Variants in MAST3 observed in about 807,000 individuals in gnomAD.
MAST3 encodes microtubule-associated serine/threonine-protein kinase 3.
Under a neutral mutation model 127.0 loss-of-function variants are expected in MAST3, and 43 were observed. That is an observed-to-expected ratio of 0.34 (90% CI 0.27 to 0.44). The LOEUF is 0.44. MAST3 is among the 20% of genes least tolerant of loss of function. The pLI, the probability that MAST3 is intolerant of heterozygous loss-of-function variation, is 1.00. For missense variants in MAST3, 1,390 were observed against 1,919.1 expected (o/e 0.72, Z 5.15); for synonymous variants, 785 against 809.2 (o/e 0.97, Z 0.51).
intron 19 of MAST3, 73 bp from the exon 20 acceptor site, chr19:18,138,942 C>T (rs2042161108): frequency 9.9e-7 from 1 of 1,010,024 alleles, no homozygotes; most frequent in Non-Finnish European, 1.5e-6. Context: ...AGATGCCCTC[C>T]CCGTATTGCC....
intron 20 of MAST3, among the ~76,000 whole-genome samples, chr19:18,139,811 A>AT (rs113923986): frequency 2.4e-4 from 5 of 20,486 alleles, no homozygotes; most frequent in Admixed American, 4.7e-4. Flanking sequence ...TGTTTTAGCC[A>AT]TTTTTTTTTT....
intron 3 of MAST3, among the ~76,000 whole-genome samples, chr19:18,113,709 G>T (rs763204445): frequency 6.6e-6 from 1 of 152,086 alleles, no homozygotes; most frequent in African/African-American, 2.4e-5. Context: ...TGATCCACCC[G>T]CCATGGCCTC....
In MAST3 at chr19:18,099,188, A is replaced by C. The variant is rs1004046003; in HGVS notation, c.39+1357A>C. 6.4e-4 allele frequency among the ~76,000 whole-genome samples: 97 copies of C among 151,556 alleles called. 1 individual carries two copies. The highest frequency in any genetic ancestry group is 2.1e-3 in the Admixed American group (32 of 15,228). ...GTAGCTGCGGGACTGCGAACTCAGC[A>C]GGTGATGGGAAGCCAGGTCGGGAGT... On this transcript the variant is annotated intron_variant, in intron 1 of 27. Transcript: ENST00000687212.
intron 15 of MAST3, among the ~76,000 whole-genome samples, chr19:18,134,237 TACAC>T (rs1426432030): frequency 6.6e-6 from 1 of 151,628 alleles, no homozygotes. Flanking sequence ...TATATATATA[TACAC>T]ACACACACAT....
At chr19:18,128,992 C>G (rs747167708) in intron 13 of MAST3, 41 bp downstream of exon 13, 2 of 1,561,774 alleles carry the variant, frequency 1.3e-6, no homozygotes, top group Non-Finnish European at 1.8e-6. Context: ...TCACAGATGC[C>G]TGAGGGGATG....
At position 18,147,427 on chromosome 19, in the gene MAST3, G is replaced by A. The variant is rs771587459; in HGVS notation, c.3327-16G>A. On this transcript the variant is annotated splice_polypyrimidine_tract_variant and intron_variant, in intron 26 of 27. Coordinates refer to ENST00000687212, the MANE Select transcript of MAST3 (RefSeq NM_001393504.1). ...CAGGAGCAGGGGTTCTGAAGCCTCC[G>A]GTTTTCTTACCCCAGGCGGAAGTCA... 8.7e-6 allele frequency: 14 copies of A among 1,612,484 alleles called. No individual in the cohort carries two copies. The highest frequency in any genetic ancestry group is 6.7e-5 in the African/African-American group (5 of 74,904).
intron 15 of MAST3, 76 bp downstream of exon 15, chr19:18,132,123 C>G: frequency 1.9e-6 from 3 of 1,572,548 alleles, no homozygotes; most frequent in Non-Finnish European, 2.6e-6. Context: ...CAAAGAGGAT[C>G]AGGGCAGAGC....
intron 19 of MAST3, among the ~76,000 whole-genome samples, chr19:18,138,570 T>C (rs2042123672): frequency 6.6e-6 from 1 of 152,152 alleles, no homozygotes; most frequent in Non-Finnish European, 1.5e-5. Flanking sequence ...CGATTTCGAC[T>C]CACCACAACC....
chr19:18,133,035 G>A (rs2041494117), intron 15 of MAST3, among the ~76,000 whole-genome samples: 1 of 151,816 alleles, frequency 6.6e-6, no homozygotes, highest in South Asian at 2.1e-4. Context: ...CCCGGCGGAG[G>A]TTGCAATGAG....
Position 18,147,321 on chromosome 19 carries a change from T to C in MAST3, c.3327-122T>C, listed in dbSNP as rs536463007. 5.6e-6 allele frequency: 5 copies of C among 890,112 alleles called. No individual in the cohort carries two copies. In the African/African-American group the frequency reaches 6.7e-5, roughly 12 times the overall value. 55.1% of individuals were successfully genotyped at this position (890,112 alleles called of 1,614,324 possible). A position where few individuals can be genotyped will look rare whatever the true frequency, so the allele number is the denominator to read the frequency against. On this transcript the variant is annotated intron_variant, in intron 26 of 27. Transcript: ENST00000687212. ...TTTCGCCATGTTGGCCAGGCTGGTC[T>C]CGAACTCCTGACCTTAAATGATCCA...
At chr19:18,101,469 C>T (rs550807012) in intron 1 of MAST3, among the ~76,000 whole-genome samples, 2 of 151,944 alleles carry the variant, frequency 1.3e-5, no homozygotes, top group East Asian at 1.9e-4. Flanking sequence ...AACTTCCAAC[C>T]GGGCTTGGTG....
intron 18 of MAST3, among the ~76,000 whole-genome samples, chr19:18,136,832 T>TGC (rs200523592): frequency 6.6e-6 from 1 of 151,866 alleles, no homozygotes; most frequent in African/African-American, 2.4e-5. Flanking sequence ...TTGTTGTTGT[T>TGC]TTTTGAGACA....
intron 5 of MAST3, 56 bp from the exon 6 acceptor site, chr19:18,122,617 C>T (rs2040132698): frequency 6.8e-7 from 1 of 1,469,262 alleles, no homozygotes; most frequent in South Asian, 1.2e-5. Flanking sequence ...GTTCTTAGTC[C>T]CCACAAACCA....
chr19:18,149,099 T>C lies in MAST3; in HGVS notation c.3509-92T>C. 7.5e-7 allele frequency: 1 copy of C among 1,325,534 alleles called. No individual in the cohort carries two copies. 82.1% of individuals were successfully genotyped at this position (1,325,534 alleles called of 1,614,324 possible). ...TGATGGGTGGCCACATGGAAGGATGTGGGCTTTAGCAGTTTTTGTCAGTCC... is the reference window on the plus strand; with the variant it reads ...TGATGGGTGGCCACATGGAAGGATGCGGGCTTTAGCAGTTTTTGTCAGTCC... On this transcript the variant is annotated intron_variant, in intron 27 of 27. Coordinates refer to ENST00000687212, the MANE Select transcript of MAST3 (RefSeq NM_001393504.1). This position sits in a 1 kb window ranked among gnomAD's most constrained non-coding sequence, Gnocchi z 5.9.
chr19:18,133,944 C>T (rs747881737), intron 15 of MAST3, among the ~76,000 whole-genome samples: 9 of 152,190 alleles, frequency 5.9e-5, no homozygotes, highest in Non-Finnish European at 8.8e-5. Flanking sequence ...TGTTTTGCTA[C>T]ATCATAGTGT....
In MAST3 at chr19:18,128,955, A is replaced by T. The variant is rs1319814375; in HGVS notation, c.1223+4A>T. 1 of 1,613,412 alleles carries T rather than the reference A, an allele frequency of 6.2e-7. No homozygotes were observed. On this transcript the variant is annotated splice_donor_region_variant and intron_variant, in intron 13 of 27. Coordinates refer to ENST00000687212, the MANE Select transcript of MAST3 (RefSeq NM_001393504.1). ...TCATTAGCAACGGAGCCTATGGGTG[A>T]GTCCCTGAGTCCTGCATAGACCCAT...
chr19:18,116,802 T>TTTAAACCAAGG (rs2039317158), intron 3 of MAST3, among the ~76,000 whole-genome samples: 1 of 692 alleles, frequency 1.4e-3, no homozygotes, highest in Non-Finnish European at 3.4e-3. Context: ...AATCCCAGCT[T>TTTAAACCAAGG]CTCGGGAGGC....
At chr19:18,124,975 C>T (rs543614225) in intron 11 of MAST3, among the ~76,000 whole-genome samples, 61 of 146,602 alleles carry the variant, frequency 4.2e-4, no homozygotes, top group African/African-American at 1.4e-3. Flanking sequence ...AGTGTGGTGG[C>T]GCATGCCTGT....
Position 18,107,233 on chromosome 19 carries a change from G to A in MAST3, c.40-354G>A, listed in dbSNP as rs533488495. Among the ~76,000 whole-genome samples the A allele has an allele frequency of 2.0e-5, 3 of 152,060 alleles. No individual in the cohort carries two copies. The East Asian group carries it at 5.8e-4, about 29-fold the overall frequency. On this transcript the variant is annotated intron_variant, in intron 1 of 27. Coordinates refer to ENST00000687212, the MANE Select transcript of MAST3 (RefSeq NM_001393504.1). ...CTGCTTTGGTCTCCCAAAGTACTGA[G>A]ATCACAGGTGTGAGCCACCGTGCCC...
Sources: allele counts gnomAD v4.1 joint callset (sites outside exome capture counted in the v4.1 genomes callset), GRCh38; gene constraint gnomAD v4.1.1; non-coding constraint Gnocchi (gnomAD v3.1); transcripts MANE v1.5; gene names NCBI Gene and HGNC (gene_info 2026-07-23, HGNC 2026-07-21).